EYS: variants seen among roughly 807,000 people sequenced by gnomAD.
EYS encodes the protein protein eyes shut homolog.
EYS carries 250 observed loss-of-function variants against 282.1 expected under a neutral mutation model. The ratio of observed to expected loss-of-function variants is 0.89; its 90% CI spans 0.80 to 0.98. The LOEUF is 0.98. Ranked by LOEUF, EYS falls within the 50% of genes least tolerant of loss-of-function variation. EYS has a pLI of 0.00. For synonymous variants in EYS, 1,355 were observed against 1,282.9 expected (o/e 1.06, Z -1.20); for missense variants, 4,016 against 3,709.0 (o/e 1.08, Z -2.15).
At chr6:64,984,042 C>T (rs138768032) in intron 14 of EYS, among the ~76,000 whole-genome samples, 132 of 151,464 alleles carry the variant, frequency 8.7e-4, no homozygotes, top group Middle Eastern at 3.4e-3. Flanking sequence ...TCTGGAATTA[C>T]GAGATCTGAT....
intron 12 of EYS, among the ~76,000 whole-genome samples, chr6:65,268,905 A>C (rs1767828384): frequency 6.6e-6 from 1 of 152,080 alleles, no homozygotes; most frequent in Admixed American, 6.6e-5. Flanking sequence ...TAAAACTTTC[A>C]AAAATGCAGT....
chr6:64,002,770 T>G (rs1443957646), intron 33 of EYS, among the ~76,000 whole-genome samples: 2 of 152,184 alleles, frequency 1.3e-5, no homozygotes, highest in African/African-American at 4.8e-5. Context: ...ACTCCTGGGC[T>G]TAAGTGATCC....
At chr6:63,840,262 C>T (rs899626927) in intron 36 of EYS, among the ~76,000 whole-genome samples, 10 of 148,454 alleles carry the variant, frequency 6.7e-5, no homozygotes, top group Non-Finnish European at 1.0e-4. Flanking sequence ...GACAGGGTTT[C>T]GCTGTGTTAG....
At chr6:63,726,173 AT>A (rs1320034043) in intron 42 of EYS, among the ~76,000 whole-genome samples, 1 of 152,178 alleles carries the variant, frequency 6.6e-6, no homozygotes, top group African/African-American at 2.4e-5. Context: ...TCTACAGGAA[AT>A]GTATCAGCCA....
chr6:64,393,583 C>G (rs529020289), intron 28 of EYS, among the ~76,000 whole-genome samples: 40 of 152,004 alleles, frequency 2.6e-4, no homozygotes, highest in South Asian at 1.0e-3. Context: ...ATTCAACAAC[C>G]CTTCATGCTA....
chr6:64,808,895 G>C (rs904761754), intron 22 of EYS, among the ~76,000 whole-genome samples: 5 of 152,110 alleles, frequency 3.3e-5, no homozygotes, highest in Admixed American at 2.6e-4. Context: ...CTCTGACCTG[G>C]AGAGGTCCAA....
At chr6:64,878,537 G>T (rs977234890) in intron 19 of EYS, among the ~76,000 whole-genome samples, 1 of 151,996 alleles carries the variant, frequency 6.6e-6, no homozygotes, top group African/African-American at 2.4e-5. Context: ...GGATTGTCAG[G>T]CAGCACCAAG....
At chr6:64,039,507 T>A (rs1770284555) in intron 33 of EYS, among the ~76,000 whole-genome samples, 1 of 152,204 alleles carries the variant, frequency 6.6e-6, no homozygotes, top group East Asian at 1.9e-4. Context: ...TTAAAGTTTT[T>A]ACCTATGAAT....
chr6:65,571,066 C>A (rs775561976), intron 2 of EYS, among the ~76,000 whole-genome samples: 5 of 151,938 alleles, frequency 3.3e-5, no homozygotes, highest in Admixed American at 6.6e-5. Flanking sequence ...ATATATTACA[C>A]ATATTATACT....
chr6:64,153,056 G>A (rs1347016346), intron 31 of EYS, among the ~76,000 whole-genome samples: 1 of 152,036 alleles, frequency 6.6e-6, no homozygotes, highest in Non-Finnish European at 1.5e-5. Flanking sequence ...AGTGTATAAC[G>A]CCTAATAATA....
intron 35 of EYS, among the ~76,000 whole-genome samples, chr6:63,939,442 C>T (rs1056274855): frequency 2.6e-5 from 4 of 151,986 alleles, no homozygotes; most frequent in African/African-American, 9.7e-5. Context: ...TCAGTTTTGA[C>T]AAAAGAAAGA....
chr6:63,832,154 G>T (rs1414196078), intron 36 of EYS, among the ~76,000 whole-genome samples: 1 of 152,160 alleles, frequency 6.6e-6, no homozygotes, highest in African/African-American at 2.4e-5. Flanking sequence ...ACAATTAAAA[G>T]AAATAGAGAA....
rs570145614 is a variant in EYS, at chr6:65,539,306, C to T, written c.-332-43313G>A. 2.0e-5 allele frequency among the ~76,000 whole-genome samples: 3 copies of T among 152,240 alleles called. No individual in the cohort carries two copies. The South Asian group carries it at 6.2e-4, about 32-fold the overall frequency. On this transcript the variant is annotated intron_variant, in intron 2 of 42. Transcript: ENST00000503581. ...GCACTAGGAGACGAAGTTCTTCTGC[C>T]ATCTTTGTTCCTTACTTTGATTTAA...
At chr6:65,537,531 T>C (rs199902274) in intron 2 of EYS, among the ~76,000 whole-genome samples, 1 of 88,838 alleles carries the variant, frequency 1.1e-5, no homozygotes, top group Non-Finnish European at 2.0e-5. Flanking sequence ...CACACACACA[T>C]ATATTTATAT....
At chr6:64,390,249 G>T (rs1261902345) in intron 28 of EYS, among the ~76,000 whole-genome samples, 1 of 152,194 alleles carries the variant, frequency 6.6e-6, no homozygotes, top group African/African-American at 2.4e-5. Flanking sequence ...CAGCCAGGAA[G>T]CTCCAACTGG....
chr6:65,041,145 C>T (rs1438789703), intron 13 of EYS, among the ~76,000 whole-genome samples: 1 of 151,578 alleles, frequency 6.6e-6, no homozygotes, highest in African/African-American at 2.4e-5. Context: ...AAAAGTTAAG[C>T]AGAGACAGAA....
chr6:64,587,270 C>T (rs990144604), intron 26 of EYS, among the ~76,000 whole-genome samples: 1 of 151,956 alleles, frequency 6.6e-6, no homozygotes, highest in Non-Finnish European at 1.5e-5. Context: ...GCTACCTTAG[C>T]TACTTTTCTA....
chr6:63,956,700 A>G (rs1382568531), intron 35 of EYS, among the ~76,000 whole-genome samples: 3 of 152,212 alleles, frequency 2.0e-5, no homozygotes, highest in African/African-American at 7.2e-5. Context: ...TAATTACCAT[A>G]TTCATCTTCC....
intron 12 of EYS, among the ~76,000 whole-genome samples, chr6:65,120,076 C>A (rs1187500402): frequency 7.0e-6 from 1 of 142,440 alleles, no homozygotes; most frequent in Non-Finnish European, 1.5e-5. Context: ...GGCGCAAAAC[C>A]GGCAGGCAGA....
Sources: gnomAD v4.1 joint callset for allele counts (sites outside exome capture counted in the v4.1 genomes callset) on GRCh38, gnomAD v4.1.1 for gene constraint, MANE v1.5 for transcripts, NCBI Gene and HGNC (gene_info 2026-07-23, HGNC 2026-07-21) for gene names.